JMJD1C: variants seen among roughly 807,000 people sequenced by gnomAD.
The protein encoded by JMJD1C is jumonji domain containing 1C.
In JMJD1C, 31 loss-of-function variants were observed where a neutral mutation model predicts 245.3. The ratio of observed to expected loss-of-function variants is 0.13; its 90% confidence interval spans 0.09 to 0.17. The LOEUF is 0.17. JMJD1C is among the 10% of genes least tolerant of loss of function. JMJD1C has a pLI of 1.00. For synonymous variants in JMJD1C, 1,057 were observed against 1,017.4 expected (o/e 1.04, Z -0.74); for missense variants, 2,691 against 3,000.2 (o/e 0.90, Z 2.41).
At chr10:63,263,679 C>T (rs1855093392) in intron 3 of JMJD1C, among the ~76,000 whole-genome samples, 1 of 152,074 alleles carries the variant, frequency 6.6e-6, no homozygotes, top group Non-Finnish European at 1.5e-5. Context: ...CGCCTGTAAT[C>T]CCAGCACTTT....
intron 1 of JMJD1C, among the ~76,000 whole-genome samples, chr10:63,440,624 C>A (rs1475576207): frequency 2.1e-5 from 3 of 145,732 alleles, no homozygotes; most frequent in Non-Finnish European, 4.4e-5. Context: ...TATGATCTAC[C>A]TCTTAGAACC....
At chr10:63,310,576 GA>G (rs1939042950) in intron 2 of JMJD1C, among the ~76,000 whole-genome samples, 2 of 152,092 alleles carry the variant, frequency 1.3e-5, no homozygotes, top group Admixed American at 1.3e-4. Context: ...CACTACATGG[GA>G]AAAAATTTCA....
At chr10:63,311,522 A>G (rs1037479752) in intron 2 of JMJD1C, among the ~76,000 whole-genome samples, 9 of 152,228 alleles carry the variant, frequency 5.9e-5, no homozygotes, top group African/African-American at 1.7e-4. Context: ...CAAGAAACCT[A>G]AAAGTTATTA....
At chr10:63,377,678 T>C (rs1946857537) in intron 2 of JMJD1C, among the ~76,000 whole-genome samples, 1 of 151,824 alleles carries the variant, frequency 6.6e-6, no homozygotes, top group East Asian at 1.9e-4. Context: ...GAGGTTGCAG[T>C]GAGACGAGAT....
chr10:63,442,277 A>G (rs759494157), intron 1 of JMJD1C, among the ~76,000 whole-genome samples: 4 of 152,206 alleles, frequency 2.6e-5, no homozygotes, highest in Admixed American at 6.5e-5. Flanking sequence ...GTATATATCA[A>G]TTTGAAATCA....
Position 63,339,234 on chromosome 10 carries a change from T to C in JMJD1C, c.333+41084A>G, listed in dbSNP as rs202080536. Among the ~76,000 whole-genome samples the C allele has an allele frequency of 1.8e-4, 27 of 152,266 alleles. No homozygotes were observed. The East Asian group carries it at 4.4e-3, about 25-fold the overall frequency. On this transcript the variant is annotated intron_variant, in intron 2 of 25. Coordinates refer to ENST00000399262, the MANE Select transcript of JMJD1C (RefSeq NM_032776.3). ...AAGAGACTTGCTGCACTAAGGCAAA[T>C]ACAGACATCTTAGGAAACAGTGCTG...
At chr10:63,490,710 A>G (rs930050857) in intron 1 of JMJD1C, among the ~76,000 whole-genome samples, 1 of 152,112 alleles carries the variant, frequency 6.6e-6, no homozygotes, top group Non-Finnish European at 1.5e-5. Context: ...CACCGCACCC[A>G]GCCTAATTAT....
At position 63,193,230 on chromosome 10, in the gene JMJD1C, C is replaced by T. The variant is rs575704453; in HGVS notation, c.5863-79G>A. The T allele has an allele frequency of 4.4e-5, 65 of 1,475,846 alleles. No individual in the cohort carries two copies. In the Admixed American group the frequency reaches 8.6e-4, roughly 20 times the overall value. 91.4% of individuals were successfully genotyped at this position (1,475,846 alleles called of 1,614,324 possible). The stretch of plus-strand genomic sequence containing the variant: ...GTAGTATAGATACAAAAAATTTACA[C>T]AGAAACACAGCAAACCTAATTCATA... On this transcript the variant is annotated intron_variant, in intron 15 of 25. Transcript: ENST00000399262.
intron 1 of JMJD1C, among the ~76,000 whole-genome samples, chr10:63,457,181 T>A (rs1193693343): frequency 6.6e-6 from 1 of 152,084 alleles, no homozygotes; most frequent in Non-Finnish European, 1.5e-5. Context: ...TAGTACAAAT[T>A]GAAAAGAATG....
intron 2 of JMJD1C, among the ~76,000 whole-genome samples, chr10:63,373,783 T>A (rs971736453): frequency 5.3e-5 from 8 of 152,210 alleles, no homozygotes; most frequent in African/African-American, 1.9e-4. Context: ...GCTGTAGGAA[T>A]TTTAAAACGC....
At chr10:63,247,102 C>CAAAAAAAAAAAAAAAAAAAAA (rs200646094) in intron 3 of JMJD1C, among the ~76,000 whole-genome samples, 1 of 60,934 alleles carries the variant, frequency 1.6e-5, no homozygotes, top group Non-Finnish European at 4.8e-5. Context: ...TAAACTGAGA[C>CAAAAAAAAAAAAAAAAAAAAA]AAAAAAAACA....
chr10:63,398,794 G>A (rs1948674178), intron 1 of JMJD1C, among the ~76,000 whole-genome samples: 1 of 152,090 alleles, frequency 6.6e-6, no homozygotes, highest in Admixed American at 6.5e-5. Context: ...ACAGGCGTGT[G>A]CCATCACATC....
chr10:63,247,730 A>G (rs1449349773), intron 3 of JMJD1C, among the ~76,000 whole-genome samples: 2 of 151,390 alleles, frequency 1.3e-5, no homozygotes, highest in Non-Finnish European at 2.9e-5. Flanking sequence ...AAAAAAAAAA[A>G]AAAAAAAAGA....
intron 2 of JMJD1C, among the ~76,000 whole-genome samples, chr10:63,332,236 TAAGTA>T (rs1227180931): frequency 2.0e-5 from 3 of 152,278 alleles, no homozygotes; most frequent in South Asian, 2.1e-4. Context: ...GCAGCTTATA[TAAGTA>T]AAGTAAGAAA....
intron 2 of JMJD1C, among the ~76,000 whole-genome samples, chr10:63,330,020 C>G (rs1271533679): frequency 6.6e-6 from 1 of 152,218 alleles, no homozygotes; most frequent in Non-Finnish European, 1.5e-5. Context: ...CGTGTCTCAG[C>G]CTCCCGAGTA....
At chr10:63,210,934 A>G (rs542858854) in intron 8 of JMJD1C, among the ~76,000 whole-genome samples, 1 of 152,342 alleles carries the variant, frequency 6.6e-6, no homozygotes, top group South Asian at 2.1e-4. Flanking sequence ...CTTGTGATCA[A>G]TGGCAGCATA....
chr10:63,188,705 AGTTT>A (rs1589095472), intron 18 of JMJD1C, among the ~76,000 whole-genome samples: 2 of 152,214 alleles, frequency 1.3e-5, no homozygotes, highest in Admixed American at 1.3e-4. Flanking sequence ...GAAACAATAT[AGTTT>A]GTCATTCAAG....
chr10:63,303,452 C>T (rs944921427), intron 2 of JMJD1C, among the ~76,000 whole-genome samples: 8 of 152,256 alleles, frequency 5.3e-5, no homozygotes, highest in African/African-American at 1.7e-4. Flanking sequence ...ATTACAGGCA[C>T]GCGCCACCAC....
At chr10:63,191,540 A>C (rs1844801194) in intron 16 of JMJD1C, among the ~76,000 whole-genome samples, 1 of 152,172 alleles carries the variant, frequency 6.6e-6, no homozygotes, top group African/African-American at 2.4e-5. Context: ...TGATTTATTC[A>C]CCTAAACACA....
Sources: allele counts gnomAD v4.1 joint callset (sites outside exome capture counted in the v4.1 genomes callset), GRCh38; gene constraint gnomAD v4.1.1; transcripts MANE v1.5; gene names NCBI Gene and HGNC (gene_info 2026-07-23, HGNC 2026-07-21).